Variants in SREBF2 observed in about 807,000 individuals in gnomAD.
The protein encoded by SREBF2 is sterol regulatory element binding transcription factor 2.
In SREBF2, 55 loss-of-function variants were observed where a neutral mutation model predicts 113.1. The ratio of observed to expected loss-of-function variants is 0.49; its 90% CI spans 0.39 to 0.61. The LOEUF is 0.61. SREBF2 is among the 20% of genes least tolerant of loss of function. SREBF2 has a pLI of 0.00. For missense variants in SREBF2, 1,349 were observed against 1,487.4 expected (o/e 0.91, Z 1.53); for synonymous variants, 593 against 605.7 (o/e 0.98, Z 0.31).
chr22:41,883,692 A>G (rs1166443788), intron 10 of SREBF2, among the ~76,000 whole-genome samples: 3 of 152,142 alleles, frequency 2.0e-5, no homozygotes, highest in South Asian at 2.1e-4. Flanking sequence ...CAGGAGGAAC[A>G]CCTGAGGCCA....
At chr22:41,853,424 G>C (rs1163763745) in intron 1 of SREBF2, among the ~76,000 whole-genome samples, 2 of 152,162 alleles carry the variant, frequency 1.3e-5, no homozygotes, top group Non-Finnish European at 2.9e-5. Context: ...TGACTTGCTG[G>C]ATTCTGTGAT....
Position 41,867,219 on chromosome 22 carries a change from TC to T in SREBF2, c.479del (p.Pro160ArgfsTer10), listed in dbSNP as rs1295593958. The part of the protein sequence containing the change: ...VMITPTFSTT[P>X]QTRIIQQPLI... ...TGATCACGCCAACATTCAGCACCAC[TC>T]CGCAGACGAGGATCATCCAGCAGCC... On this transcript the variant is annotated frameshift_variant, in exon 2 of 19. Transcript: ENST00000361204. LOFTEE classifies it high-confidence loss of function. 4 of 1,613,930 alleles carry T rather than the reference TC, an allele frequency of 2.5e-6. No individual in the cohort carries two copies. The highest frequency in any genetic ancestry group is 3.4e-6 in the Non-Finnish European group (4 of 1,180,038).
intron 15 of SREBF2, chr22:41,899,401 C>T (rs907813563): frequency 1.0e-5 from 10 of 1,002,894 alleles, no homozygotes; most frequent in African/African-American, 1.7e-5. Context: ...TGCTGACTCC[C>T]CGGCTGTTTC....
intron 1 of SREBF2, among the ~76,000 whole-genome samples, chr22:41,851,834 A>C (rs1229257375): frequency 6.6e-6 from 1 of 151,644 alleles, no homozygotes; most frequent in African/African-American, 2.4e-5. Flanking sequence ...AAAAAAAAAC[A>C]AAGCGGCCGG....
At chr22:41,900,561 C>T in intron 16 of SREBF2, 63 bp downstream of exon 16, 1 of 1,531,822 alleles carries the variant, frequency 6.5e-7, no homozygotes, top group South Asian at 1.2e-5. Context: ...AGAACACTCC[C>T]ACTCACCTCA....
rs17848343 is a variant in SREBF2, at chr22:41,906,322, T to C, written c.*662T>C. On this transcript the variant is annotated 3_prime_UTR_variant, in exon 19 of 19. Coordinates refer to ENST00000361204, the MANE Select transcript of SREBF2 (RefSeq NM_004599.4). The stretch of plus-strand genomic sequence containing the variant: ...GCAGGCCTGCGGATGCATGAAATAA[T>C]GTTGGCATTATTTTTTAATTTTTTA... The C allele has an allele frequency of 3.3e-4, 69 of 208,486 alleles. No individual in the cohort carries two copies. The East Asian group carries it at 8.8e-3, about 27-fold the overall frequency. The allele number at this position is 208,486 out of a possible 1,614,324, so 12.9% of individuals were successfully genotyped here.
intron 16 of SREBF2, 96 bp downstream of exon 16, chr22:41,900,594 A>G: frequency 7.6e-7 from 1 of 1,321,704 alleles, no homozygotes; most frequent in Non-Finnish European, 1.1e-6. Flanking sequence ...GGGTGGGGCC[A>G]TCCGAAAGAC....
At chr22:41,900,711 T>A (rs2077458558) in intron 16 of SREBF2, among the ~76,000 whole-genome samples, 1 of 152,214 alleles carries the variant, frequency 6.6e-6, no homozygotes, top group Non-Finnish European at 1.5e-5. Context: ...TGTTTCTACC[T>A]GCACCTTTCT....
At chr22:41,876,734 A>G (rs922370590) in intron 7 of SREBF2, among the ~76,000 whole-genome samples, 3 of 152,216 alleles carry the variant, frequency 2.0e-5, no homozygotes, top group African/African-American at 7.2e-5. Context: ...AAAGTACAGT[A>G]CCAAGAGTTT....
intron 10 of SREBF2, among the ~76,000 whole-genome samples, chr22:41,883,105 A>T (rs997742125): frequency 3.3e-5 from 5 of 152,108 alleles, no homozygotes; most frequent in African/African-American, 1.2e-4. Flanking sequence ...CAGATAGAGG[A>T]TGGGGAGTCA....
At position 41,897,063 on chromosome 22, in the gene SREBF2, G is replaced by A; in HGVS notation, c.2507G>A (p.Ser836Asn). 1.2e-6 allele frequency: 2 copies of A among 1,612,578 alleles called. No individual in the cohort carries two copies. Among genetic ancestry groups the A allele is most frequent in the Non-Finnish European group, 1.7e-6 (2 of 1,179,238 alleles). Residue 836 changes from serine (S) to asparagine (N), a missense_variant, in exon 14 of 19, where the codon AGT becomes AAT. Transcript: ENST00000361204. Reference sequence around the variant, plus strand: ...TCTTTTCTTCCTAGTGAATTCTCCAGTGCTCTGGAGTACTTGAAATTACTT... The same window carrying A: ...TCTTTTCTTCCTAGTGAATTCTCCAATGCTCTGGAGTACTTGAAATTACTT... Reference protein sequence around the residue: ...DQEEESCEFSSALEYLKLLHS... With the variant: ...DQEEESCEFSNALEYLKLLHS...
intron 9 of SREBF2, among the ~76,000 whole-genome samples, chr22:41,879,165 C>T (rs2077223792): frequency 6.6e-6 from 1 of 152,122 alleles, no homozygotes; most frequent in African/African-American, 2.4e-5. Flanking sequence ...CTGGCTGAGT[C>T]AGGGGGCTCT....
chr22:41,874,516 A>T (rs528568551), intron 5 of SREBF2, among the ~76,000 whole-genome samples: 14 of 152,348 alleles, frequency 9.2e-5, no homozygotes, highest in African/African-American at 3.4e-4. Context: ...TTATTTTTAA[A>T]ACCTATCTAT....
chr22:41,898,545 C>G, intron 14 of SREBF2, 104 bp from the exon 15 acceptor site: 1 of 1,510,122 alleles, frequency 6.6e-7, no homozygotes, highest in South Asian at 1.2e-5. Context: ...TCCCAGCAGG[C>G]AAAGATGTTA....
rs1359362638 is a variant in SREBF2, at chr22:41,877,319, T to C, written c.1477T>C (p.Ser493Pro). 6.2e-7 allele frequency: 1 copy of C among 1,614,220 alleles called. No homozygotes were observed. Among genetic ancestry groups the C allele is most frequent in the South Asian group, 1.1e-5 (1 of 91,086 alleles). The change falls in exon 8 of 19, where the codon TCC (serine) becomes CCC (proline). Residue 493 changes from serine to proline, a missense_variant. By Grantham distance (74) the Ser-to-Pro change is moderately conservative. Transcript: ENST00000361204. ...GTGTGTCCTCACCTTCCTGTGCCTCTCCTTTAACCCCCTGACTTCCCTGCT... is the reference window on the plus strand; with the variant it reads ...GTGTGTCCTCACCTTCCTGTGCCTCCCCTTTAACCCCCTGACTTCCCTGCT... ...LLCVLTFLCL[S>P]FNPLTSLLQW...
Position 41,880,397 on chromosome 22 carries a change from C to CAA in SREBF2, c.1762-301_1762-300dup, listed in dbSNP as rs58272168. Among the ~76,000 whole-genome samples the CAA allele has an allele frequency of 8.7e-3, 758 of 87,602 alleles. 19 individuals carry two copies. Among genetic ancestry groups the CAA allele is most frequent in the African/African-American group, 0.026 (594 of 22,686 alleles). 57.5% of individuals were successfully genotyped at this position (87,602 alleles called of 152,430 possible). On this transcript the variant is annotated intron_variant, in intron 9 of 18. Coordinates refer to ENST00000361204, the MANE Select transcript of SREBF2 (RefSeq NM_004599.4). Reference sequence around the variant, plus strand: ...TGAAACCCTGTCTCTACTAAAAATACAAAAAAAAAAAAAAAAAAAGTGCTA... The same window carrying CAA: ...TGAAACCCTGTCTCTACTAAAAATACAAAAAAAAAAAAAAAAAAAAAGTGCTA...
chr22:41,900,102 G>C, intron 15 of SREBF2: 1 of 1,438,732 alleles, frequency 7.0e-7, no homozygotes, highest in Non-Finnish European at 9.1e-7. Context: ...CTGTGTCTCT[G>C]ACTTCCAGCA....
In SREBF2 at chr22:41,840,834, T is replaced by C. The variant is rs1344530523; in HGVS notation, c.88+7476T>C. Among the ~76,000 whole-genome samples, 3 of 152,320 alleles carry C rather than the reference T, an allele frequency of 2.0e-5. No homozygotes were observed. In the East Asian group the frequency reaches 5.8e-4, roughly 29 times the overall value. On this transcript the variant is annotated intron_variant, in intron 1 of 18. Transcript: ENST00000361204. ...CCAACTTGTTGGGGCTCTGGAGAGC[T>C]GTGTCTGATACCTGAATTCATGCAG...
intron 9 of SREBF2, 124 bp downstream of exon 9, chr22:41,878,247 A>G: frequency 3.8e-6 from 5 of 1,304,122 alleles, no homozygotes; most frequent in Non-Finnish European, 5.4e-6. Context: ...CTGCTGCTGA[A>G]TAGTCACAGG....
Sources: allele counts gnomAD v4.1 joint callset (sites outside exome capture counted in the v4.1 genomes callset), GRCh38; gene constraint gnomAD v4.1.1; transcripts MANE v1.5; gene names NCBI Gene and HGNC (gene_info 2026-07-23, HGNC 2026-07-21).